PTPN3: variants seen among roughly 807,000 people sequenced by gnomAD.
PTPN3 encodes protein tyrosine phosphatase non-receptor type 3.
In PTPN3, 96 loss-of-function variants were observed where a neutral mutation model predicts 132.7. The ratio of observed to expected loss-of-function variants is 0.72; its 90% CI spans 0.61 to 0.86. The LOEUF (loss-of-function observed/expected upper bound fraction) is 0.86. Among genes scored for constraint, PTPN3 ranks in the 40% least tolerant of loss-of-function variants. PTPN3 has a pLI of 0.00. For missense variants in PTPN3, 1,125 were observed against 1,159.6 expected (o/e 0.97, Z 0.43); for synonymous variants, 398 against 429.0 (o/e 0.93, Z 0.89).
At chr9:109,513,316 G>C in the PTPN3 span, among the ~76,000 whole-genome samples, 1 of 152,062 alleles carries the variant, frequency 6.6e-6, no homozygotes, top group African/African-American at 2.4e-5. Flanking sequence ...CACCACATCC[G>C]GCGTGGAATG....
At chr9:109,380,535 C>T (rs1023167380) in intron 25 of PTPN3, among the ~76,000 whole-genome samples, 1 of 152,186 alleles carries the variant, frequency 6.6e-6, no homozygotes, top group East Asian at 1.9e-4. Flanking sequence ...GGATTATAGG[C>T]GTGAGCCACC....
rs772537280 is a variant in PTPN3 at position 109,379,523 on chromosome 9, T to G, written c.*33A>C. 1.9e-6 allele frequency: 3 copies of G among 1,580,150 alleles called. No individual in the cohort carries two copies. Among genetic ancestry groups the G allele is most frequent in the Non-Finnish European group, 2.6e-6 (3 of 1,149,450 alleles). ...CCTCCTCTTTCAAGGAGGATGCCCT[T>G]GGGAAAGAGGAATGAACTTTTTCAC... is the stretch of plus-strand genomic sequence containing the variant. On this transcript the variant is annotated 3_prime_UTR_variant, in exon 26 of 26. Coordinates refer to ENST00000374541, the MANE Select transcript of PTPN3 (RefSeq NM_002829.4).
intron 4 of PTPN3, among the ~76,000 whole-genome samples, chr9:109,455,310 A>G (rs1845507666): frequency 6.6e-6 from 1 of 152,180 alleles, no homozygotes; most frequent in Admixed American, 6.5e-5. Flanking sequence ...GCAACAGGAG[A>G]AGATCAGATT....
chr9:109,402,809 G>A (rs182332225), intron 19 of PTPN3, among the ~76,000 whole-genome samples: 49 of 152,226 alleles, frequency 3.2e-4, no homozygotes, highest in African/African-American at 1.1e-3. Context: ...AGTGGCTCAT[G>A]CCTGTAATCC....
chr9:109,414,941 G>A (rs1000687311), intron 14 of PTPN3, among the ~76,000 whole-genome samples: 3 of 152,128 alleles, frequency 2.0e-5, no homozygotes, highest in African/African-American at 7.2e-5. Context: ...GACACATGAT[G>A]TGGAAGTGGC....
the PTPN3 span, among the ~76,000 whole-genome samples, chr9:109,514,395 G>A: frequency 6.6e-6 from 1 of 152,190 alleles, no homozygotes; most frequent in South Asian, 2.1e-4. Flanking sequence ...GGTAACAAAT[G>A]TATCTAATCA....
intron 25 of PTPN3, 124 bp from the exon 26 acceptor site, chr9:109,379,757 G>T: frequency 2.5e-6 from 2 of 803,048 alleles, no homozygotes; most frequent in Non-Finnish European, 4.2e-6. Context: ...TGGGCCACAG[G>T]CCAGGTACAC....
the PTPN3 span, among the ~76,000 whole-genome samples, chr9:109,524,371 T>TTCACCCC: frequency 0.032 from 1,320 of 41,834 alleles, 78 homozygotes; most frequent in East Asian, 0.36. Flanking sequence ...AAGGAGGTAC[T>TTCACCCC]ATTATTCCCA....
chr9:109,450,067 T>G (rs1449816952), intron 5 of PTPN3: 1 of 984,364 alleles, frequency 1.0e-6, no homozygotes, highest in Non-Finnish European at 1.2e-6. Context: ...TTAACCTGGA[T>G]GATCATGTTA....
intron 9 of PTPN3, among the ~76,000 whole-genome samples, chr9:109,433,891 C>T (rs1242592432): frequency 7.2e-6 from 1 of 139,718 alleles, no homozygotes; most frequent in Non-Finnish European, 1.5e-5. Context: ...ATGCTCCAGC[C>T]TAGGCAGCAG....
intron 1 of PTPN3, among the ~76,000 whole-genome samples, chr9:109,482,202 C>T (rs1203206805): frequency 6.6e-6 from 1 of 152,184 alleles, no homozygotes; most frequent in Non-Finnish European, 1.5e-5. Context: ...TTTCTAGGAA[C>T]CTGCTGTCAG....
the PTPN3 span, among the ~76,000 whole-genome samples, chr9:109,525,142 C>G: frequency 3.9e-5 from 6 of 152,106 alleles, no homozygotes; most frequent in Admixed American, 1.3e-4. Context: ...ACCTTGACCC[C>G]TCTGGCTCAA....
intron 1 of PTPN3, among the ~76,000 whole-genome samples, chr9:109,481,637 C>T (rs1028534285): frequency 1.3e-5 from 2 of 152,216 alleles, no homozygotes; most frequent in African/African-American, 4.8e-5. Flanking sequence ...CTTTAGATTT[C>T]TCCTTAAATG....
intron 1 of PTPN3, among the ~76,000 whole-genome samples, chr9:109,470,638 G>C (rs908105067): frequency 1.3e-5 from 2 of 151,922 alleles, no homozygotes; most frequent in East Asian, 3.9e-4. Flanking sequence ...CAAGGCTGCA[G>C]GGAGCTATGA....
intron 7 of PTPN3, among the ~76,000 whole-genome samples, chr9:109,443,734 C>T (rs879015837): frequency 2.0e-5 from 3 of 152,116 alleles, no homozygotes; most frequent in Admixed American, 2.0e-4. Flanking sequence ...AATGGCCGGG[C>T]CTGTCCCAGG....
At chr9:109,533,862 TG>T in the PTPN3 span, 1 of 789,230 alleles carries the variant, frequency 1.3e-6, no homozygotes, top group Non-Finnish European at 2.2e-6. Flanking sequence ...TGCTGGTAAT[TG>T]GGTGGAGGAC....
chr9:109,413,200 C>T (rs7850214), intron 14 of PTPN3, among the ~76,000 whole-genome samples: 5,571 of 150,916 alleles, frequency 0.037, 137 homozygotes, highest in East Asian at 0.15. Flanking sequence ...GTGATCTGCC[C>T]GCCTCGGCCT....
At chr9:109,489,065 C>T (rs1847340813) in intron 1 of PTPN3, among the ~76,000 whole-genome samples, 1 of 152,192 alleles carries the variant, frequency 6.6e-6, no homozygotes, top group Non-Finnish European at 1.5e-5. Flanking sequence ...TAGGGTGACT[C>T]CCGCCTCCTG....
At chr9:109,402,070 GAAAT>G (rs1161364768) in intron 19 of PTPN3, among the ~76,000 whole-genome samples, 2 of 152,056 alleles carry the variant, frequency 1.3e-5, no homozygotes, top group Non-Finnish European at 1.5e-5. Context: ...TGATCCAGGG[GAAAT>G]ACCCAAGACA....
Sources: allele counts gnomAD v4.1 joint callset (sites outside exome capture counted in the v4.1 genomes callset), GRCh38; gene constraint gnomAD v4.1.1; transcripts MANE v1.5; gene names NCBI Gene and HGNC (gene_info 2026-07-23, HGNC 2026-07-21).